ABAT: variants seen among roughly 807,000 people sequenced by gnomAD.
ABAT encodes 4-aminobutyrate aminotransferase, mitochondrial.
Under a neutral mutation model 64.6 loss-of-function variants are expected in ABAT, and 45 were observed. The observed-to-expected ratio is 0.70, with a 90% confidence interval of 0.55 to 0.89. The LOEUF is 0.89. ABAT is among the 40% of genes least tolerant of loss of function. ABAT has a pLI of 0.00. For synonymous variants in ABAT, 297 were observed against 250.5 expected, an observed-to-expected ratio of 1.19 and a Z score of -1.75; for missense variants, 633 against 658.4, an observed-to-expected ratio of 0.96 and a Z score of 0.42.
At chr16:8,729,062 G>A (rs1003838156) in intron 1 of ABAT, among the ~76,000 whole-genome samples, 1 of 151,878 alleles carries the variant, frequency 6.6e-6, no homozygotes, top group Non-Finnish European at 1.5e-5. Context: ...ATCTCAGCAC[G>A]TTGGGAGGCC....
Position 8,764,637 on chromosome 16 carries a change from G to C in ABAT, c.448-101G>C. On this transcript the variant is annotated intron_variant, in intron 7 of 15. Transcript: ENST00000268251. This position sits in a 1 kb window ranked among gnomAD's most constrained non-coding sequence, Gnocchi z 4.2. The stretch of plus-strand genomic sequence containing the variant: ...TTCCAGGACAGCCCTGGTTCTGTCT[G>C]TCCCCGGTACGGCCCCTGCGAAGAT... 8.7e-7 allele frequency: 1 copy of C among 1,142,942 alleles called. No individual in the cohort carries two copies. The highest frequency in any genetic ancestry group is 1.3e-6 in the Non-Finnish European group (1 of 761,630). 70.8% of individuals were successfully genotyped at this position (1,142,942 alleles called of 1,614,324 possible).
chr16:8,720,505 T>TG (rs2058337657), intron 1 of ABAT, among the ~76,000 whole-genome samples: 1 of 152,202 alleles, frequency 6.6e-6, no homozygotes, highest in South Asian at 2.1e-4. Flanking sequence ...GAGAGAGGGC[T>TG]GGGGCCCATG....
At chr16:8,696,278 G>T (rs1360482689) in intron 1 of ABAT, among the ~76,000 whole-genome samples, 1 of 152,170 alleles carries the variant, frequency 6.6e-6, no homozygotes, top group African/African-American at 2.4e-5. Context: ...GGGTGACTGT[G>T]CAGGGGGACC....
chr16:8,744,697 A>G (rs2059279520), intron 2 of ABAT, among the ~76,000 whole-genome samples: 1 of 151,684 alleles, frequency 6.6e-6, no homozygotes, highest in Admixed American at 6.6e-5. Context: ...ACCAGACCTC[A>G]GCCAGGCTAA....
Position 8,775,021 on chromosome 16 carries a change from G to A in ABAT, c.1086G>A (p.Gly362=). Residue 362 remains glycine, a synonymous_variant, in exon 13 of 16, where the codon GGG becomes GGA. Transcript: ENST00000268251. The part of the protein sequence containing the change: ...VMTFSKKMMT[G]GFFHKEEFRP... ...CCTTCAGCAAGAAGATGATGACTGG[G>A]GGCTTCTTCCACAAGGAGGAGTTCA... The A allele has an allele frequency of 1.2e-6, 2 of 1,614,186 alleles. No individual in the cohort carries two copies. The highest frequency in any genetic ancestry group is 1.6e-4 in the Middle Eastern group (1 of 6,062).
chr16:8,735,842 C>G, intron 2 of ABAT, 33 bp downstream of exon 2: 4 of 1,557,228 alleles, frequency 2.6e-6, no homozygotes, highest in Non-Finnish European at 3.5e-6. Flanking sequence ...AGAACTGGTA[C>G]TAATGGAAGA....
At chr16:8,762,879 G>C (rs1358584188) in intron 6 of ABAT, among the ~76,000 whole-genome samples, 1 of 152,118 alleles carries the variant, frequency 6.6e-6, no homozygotes, top group Non-Finnish European at 1.5e-5. Flanking sequence ...GGCTGAGGCA[G>C]GCAGATCACT....
intron 1 of ABAT, among the ~76,000 whole-genome samples, chr16:8,723,827 A>ATATTT (rs1567286201): frequency 2.5e-4 from 10 of 40,360 alleles, no homozygotes; most frequent in Non-Finnish European, 4.0e-4. Context: ...ATATATATAT[A>ATATTT]TTTTTTTTTT....
At position 8,722,069 on chromosome 16, in the gene ABAT, A is replaced by G. The variant is rs2058387884; in HGVS notation, c.-41-13630A>G. 5.9e-5 allele frequency among the ~76,000 whole-genome samples: 9 copies of G among 152,302 alleles called. No homozygotes were observed. The South Asian group carries it at 1.9e-3, about 32-fold the overall frequency. ...ACTGATGGATTTAAATTTCTCTTTC[A>G]GTTCTGATCATGTCAAGGAAAAGGT... On this transcript the variant is annotated intron_variant, in intron 1 of 15. Transcript: ENST00000268251.
intron 6 of ABAT, among the ~76,000 whole-genome samples, chr16:8,761,390 C>T (rs1446855882): frequency 6.6e-6 from 1 of 152,218 alleles, no homozygotes; most frequent in East Asian, 1.9e-4. Context: ...CCGGCTGTGT[C>T]CCAGTCTCCT....
rs539491079 is a variant in ABAT at position 8,732,327 on chromosome 16, T to C, written c.-41-3372T>C. Among the ~76,000 whole-genome samples the C allele has an allele frequency of 6.2e-3, 927 of 150,496 alleles. 49 individuals are homozygous for C. Among genetic ancestry groups the C allele is most frequent in the African/African-American group, 0.022 (892 of 40,238 alleles). On this transcript the variant is annotated intron_variant, in intron 1 of 15. Transcript: ENST00000268251. ...GAGGGAAGGTCGGCAGATAAACAAG[T>C]GAACAAAGGTCTCTGGTTTTCCTAG...
chr16:8,713,687 C>T (rs1377869078), intron 1 of ABAT: 2 of 345,196 alleles, frequency 5.8e-6, no homozygotes, highest in Non-Finnish European at 1.2e-5. Context: ...CCACCTGTCC[C>T]CATGTTTTGG....
intron 14 of ABAT, among the ~76,000 whole-genome samples, chr16:8,777,663 CTG>C (rs1202009808): frequency 3.3e-5 from 5 of 152,156 alleles, no homozygotes; most frequent in African/African-American, 2.4e-5. Flanking sequence ...GGGCCACACT[CTG>C]TGGGAGAGGG....
chr16:8,766,295 C>T (rs371300523), intron 9 of ABAT, 25 bp downstream of exon 9: 22 of 1,610,594 alleles, frequency 1.4e-5, no homozygotes, highest in African/African-American at 5.3e-5. Flanking sequence ...GCTTGCACCA[C>T]GTACATCTGG....
intron 1 of ABAT, among the ~76,000 whole-genome samples, chr16:8,698,201 G>C (rs1596403924): frequency 2.0e-5 from 3 of 152,306 alleles, no homozygotes; most frequent in African/African-American, 7.2e-5. Context: ...CCTGCTGCCG[G>C]AGGAGTGGTT....
intron 2 of ABAT, chr16:8,736,641 C>G (rs1362902692): frequency 6.6e-6 from 1 of 152,502 alleles, no homozygotes; most frequent in Admixed American, 6.5e-5. Flanking sequence ...GCCCCACACC[C>G]ATGGCCACTT....
Position 8,746,079 on chromosome 16 carries a change from T to A in ABAT, c.149T>A (p.Val50Asp), listed in dbSNP as rs768066989. 6.2e-7 allele frequency: 1 copy of A among 1,613,428 alleles called. No individual in the cohort carries two copies. The highest frequency in any genetic ancestry group is 8.5e-7 in the Non-Finnish European group (1 of 1,179,856). Residue 50 changes from valine (V) to aspartate (D), a missense_variant, in exon 3 of 16, where the codon GTC becomes GAC. Transcript: ENST00000268251. The stretch of plus-strand genomic sequence containing the variant: ...GATGGGCCTCTGATGAAGACGGAAG[T>A]CCCAGGGCCTAGATCTCAGGTGAGT... ...DYDGPLMKTE[V>D]PGPRSQELMK...
At chr16:8,702,126 G>T (rs973180123) in intron 1 of ABAT, among the ~76,000 whole-genome samples, 1 of 152,114 alleles carries the variant, frequency 6.6e-6, no homozygotes, top group Non-Finnish European at 1.5e-5. Context: ...ATGGTTCTGC[G>T]GGCTGTACAG....
At chr16:8,687,619 C>G (rs1187228020) in intron 1 of ABAT, among the ~76,000 whole-genome samples, 1 of 152,218 alleles carries the variant, frequency 6.6e-6, no homozygotes, top group Non-Finnish European at 1.5e-5. Flanking sequence ...GTCAACAAAT[C>G]AGATCATTTG....
Sources: gnomAD v4.1 joint callset for allele counts (sites outside exome capture counted in the v4.1 genomes callset) on GRCh38, gnomAD v4.1.1 for gene constraint, Gnocchi (gnomAD v3.1) non-coding constraint, MANE v1.5 for transcripts, NCBI Gene and HGNC (gene_info 2026-07-23, HGNC 2026-07-21) for gene names.